The following CACNA1C variants were observed in gnomAD, a reference collection of about 807,000 sequenced individuals.
CACNA1C encodes voltage-dependent L-type calcium channel subunit alpha-1C.
Under a neutral mutation model 229.0 loss-of-function variants are expected in CACNA1C, and 30 were observed. The ratio of observed to expected loss-of-function variants is 0.13; its 90% CI spans 0.10 to 0.18. The LOEUF (loss-of-function observed/expected upper bound fraction) is 0.18. Ranked by LOEUF, CACNA1C falls within the 10% of genes least tolerant of loss-of-function variation. The probability of loss-of-function intolerance (pLI) is 1.00; values close to 1 mark genes in which losing one functional copy is unlikely to be tolerated. For synonymous variants in CACNA1C, 1,114 were observed against 1,132.5 expected (o/e 0.98, Z 0.33); for missense variants, 1,658 against 2,845.0 (o/e 0.58, Z 9.49).
chr12:2,322,436 C>T (rs1793209716), intron 3 of CACNA1C, among the ~76,000 whole-genome samples: 1 of 152,204 alleles, frequency 6.6e-6, no homozygotes, highest in Non-Finnish European at 1.5e-5. Flanking sequence ...CCAATGGCCA[C>T]CAGTGGTCAT....
chr12:2,314,086 A>G (rs1393106919), intron 3 of CACNA1C, among the ~76,000 whole-genome samples: 1 of 151,980 alleles, frequency 6.6e-6, no homozygotes, highest in African/African-American at 2.4e-5. Flanking sequence ...CCTTTGACCA[A>G]GGTTTTTATA....
chr12:2,407,616 AGTGGG>A (rs2098752966), intron 3 of CACNA1C, among the ~76,000 whole-genome samples: 1 of 50,662 alleles, frequency 2.0e-5, no homozygotes. Context: ...ATCATGACCC[AGTGGG>A]AAGGAACGTC....
intron 1 of CACNA1C, among the ~76,000 whole-genome samples, chr12:2,107,570 T>C (rs1264300010): frequency 2.0e-5 from 3 of 152,284 alleles, no homozygotes; most frequent in Non-Finnish European, 4.4e-5. Context: ...TTTCTCTCGC[T>C]TAGGCTGGAG....
chr12:2,308,971 T>C (rs2095263980), intron 3 of CACNA1C, among the ~76,000 whole-genome samples: 1 of 152,138 alleles, frequency 6.6e-6, no homozygotes, highest in Non-Finnish European at 1.5e-5. Context: ...AACCATAGGA[T>C]CCAGAAAGTC....
At chr12:2,168,149 C>A (rs1055538265) in intron 3 of CACNA1C, among the ~76,000 whole-genome samples, 2 of 152,130 alleles carry the variant, frequency 1.3e-5, no homozygotes, top group Admixed American at 6.5e-5. Flanking sequence ...GAGGTCAGAT[C>A]ATCAAAAGCC....
chr12:2,345,682 T>C (rs2096992436), intron 3 of CACNA1C, among the ~76,000 whole-genome samples: 1 of 152,154 alleles, frequency 6.6e-6, no homozygotes, highest in South Asian at 2.1e-4. Flanking sequence ...TTTGTCTCCT[T>C]ATGCAAATCG....
chr12:2,271,211 G>A (rs974359857), intron 3 of CACNA1C, among the ~76,000 whole-genome samples: 22 of 152,288 alleles, frequency 1.4e-4, no homozygotes, highest in Non-Finnish European at 2.6e-4. Context: ...GGGCCAATTT[G>A]GGTGAAATTC....
At chr12:2,012,474 A>G (rs1157091528) in intron 1 of CACNA1C, among the ~76,000 whole-genome samples, 1 of 152,240 alleles carries the variant, frequency 6.6e-6, no homozygotes, top group Non-Finnish European at 1.5e-5. Flanking sequence ...TGCAAAGCCT[A>G]AAATATTTAC....
intron 1 of CACNA1C, chr12:2,004,428 C>A (rs773777304): frequency 6.2e-7 from 1 of 1,608,722 alleles, no homozygotes; most frequent in South Asian, 1.1e-5. Context: ...GCCACGGCTG[C>A]CATCTTCCCT....
chr12:2,191,446 C>G (rs1264225239), intron 3 of CACNA1C, among the ~76,000 whole-genome samples: 4 of 152,154 alleles, frequency 2.6e-5, no homozygotes, highest in African/African-American at 9.7e-5. Context: ...GTCACGTTCT[C>G]TGGCTGTGAC....
chr12:2,603,103 G>C (rs2073570069), intron 22 of CACNA1C, among the ~76,000 whole-genome samples: 1 of 152,146 alleles, frequency 6.6e-6, no homozygotes, highest in African/African-American at 2.4e-5. Context: ...GTGATCATCA[G>C]TTATATTACC....
intron 3 of CACNA1C, among the ~76,000 whole-genome samples, chr12:2,368,510 G>T (rs899057958): frequency 2.0e-5 from 3 of 152,126 alleles, no homozygotes; most frequent in Admixed American, 2.0e-4. Flanking sequence ...AAATGGAAAA[G>T]AATTCCTATT....
intron 3 of CACNA1C, among the ~76,000 whole-genome samples, chr12:2,393,730 T>G (rs535339783): frequency 1.7e-4 from 26 of 152,326 alleles, no homozygotes; most frequent in African/African-American, 6.3e-4. Flanking sequence ...GTTTTCTTAC[T>G]AAGAAGGTTA....
intron 3 of CACNA1C, among the ~76,000 whole-genome samples, chr12:2,233,957 G>T (rs573666174): frequency 6.6e-6 from 1 of 152,178 alleles, no homozygotes; most frequent in Non-Finnish European, 1.5e-5. Context: ...ATTTGGATGG[G>T]CATGATCCTT....
chr12:2,270,086 CCA>C (rs1181392537), intron 3 of CACNA1C: 1 of 152,224 alleles, frequency 6.6e-6, no homozygotes, highest in Non-Finnish European at 1.5e-5. Flanking sequence ...CACCAAGCTT[CCA>C]GGGCACGGGG....
At position 2,633,459 on chromosome 12, in the gene CACNA1C, C is replaced by G. The variant is rs1250682006; in HGVS notation, c.3829-838C>G. On this transcript the variant is annotated intron_variant, in intron 29 of 46. Coordinates refer to ENST00000399655, the MANE Select transcript of CACNA1C (RefSeq NM_000719.7). This position sits in a 1 kb window ranked among gnomAD's most constrained non-coding sequence, Gnocchi z 5.8. ...GTAGGGTTAGAGTGTCGCCTCCCTG[C>G]TGCTCCTTCCTTGCTGGTGCTCCTG... is the stretch of plus-strand genomic sequence containing the variant. Among the ~76,000 whole-genome samples the G allele has an allele frequency of 6.6e-6, 1 of 152,160 alleles. No homozygotes were observed. Among genetic ancestry groups the G allele is most frequent in the Non-Finnish European group, 1.5e-5 (1 of 68,012 alleles).
chr12:2,058,574 C>A (rs954495800), intron 1 of CACNA1C, among the ~76,000 whole-genome samples: 5 of 152,012 alleles, frequency 3.3e-5, no homozygotes, highest in African/African-American at 1.2e-4. Flanking sequence ...ATATCAGGTG[C>A]CAAATATTTA....
At chr12:2,274,274 G>A (rs757674452) in intron 3 of CACNA1C, among the ~76,000 whole-genome samples, 15 of 152,322 alleles carry the variant, frequency 9.8e-5, no homozygotes, top group Middle Eastern at 6.8e-3. Flanking sequence ...TTCTCACTGC[G>A]TGTGTTCATT....
intron 13 of CACNA1C, among the ~76,000 whole-genome samples, chr12:2,574,957 A>G (rs2057849164): frequency 1.3e-5 from 2 of 152,296 alleles, no homozygotes; most frequent in African/African-American, 4.8e-5. Context: ...GCAGGTGAGG[A>G]TGACTCCCTA....
Sources: allele counts gnomAD v4.1 joint callset (sites outside exome capture counted in the v4.1 genomes callset), GRCh38; gene constraint gnomAD v4.1.1; non-coding constraint Gnocchi (gnomAD v3.1); transcripts MANE v1.5; gene names NCBI Gene and HGNC (gene_info 2026-07-23, HGNC 2026-07-21).